The following FRMD1 variants were observed in gnomAD, a reference collection of about 807,000 sequenced individuals.
FRMD1 encodes the protein FERM domain-containing protein 1.
In FRMD1, 51 loss-of-function variants were observed where a neutral mutation model predicts 54.9. The observed-to-expected ratio is 0.93, with a 90% CI of 0.74 to 1.17. The LOEUF (loss-of-function observed/expected upper bound fraction) is 1.17, where lower values mean the gene tolerates loss of function less well. Ranked by LOEUF, FRMD1 falls within the 50% of genes most tolerant of loss-of-function variation. The probability of loss-of-function intolerance (pLI) is 0.00; values close to 1 mark genes in which losing one functional copy is unlikely to be tolerated. For synonymous variants in FRMD1, 324 were observed against 306.4 expected, an observed-to-expected ratio of 1.06 and a Z score of -0.60; for missense variants, 729 against 743.0, an observed-to-expected ratio of 0.98 and a Z score of 0.22.
At chr6:168,062,654 AC>A (rs998901784) in intron 7 of FRMD1, 10 of 1,548,594 alleles carry the variant, frequency 6.5e-6, no homozygotes, top group African/African-American at 4.1e-5. Context: ...GGGCACGGGG[AC>A]CCCCCAGACA....
At chr6:168,081,547 A>G, upstream of FRMD1, 1 of 1,504,398 alleles carries the variant, frequency 6.6e-7, no homozygotes, top group Non-Finnish European at 8.9e-7. Context: ...ATCCTCTATC[A>G]TGAGATAGAT....
chr6:168,079,125 G>A lies in FRMD1; in HGVS notation c.-31C>T. The A allele has an allele frequency of 6.4e-7, 1 of 1,562,532 alleles. No homozygotes were observed. Among genetic ancestry groups the A allele is most frequent in the Non-Finnish European group, 8.6e-7 (1 of 1,158,648 alleles). ...CGTTACTCGGCCCTCCCCCGCCATG[G>A]GTCGCAGGTGGGTGCTCAGCACCTC... On this transcript the variant is annotated 5_prime_UTR_variant, in exon 1 of 11. Coordinates refer to ENST00000283309, the MANE Select transcript of FRMD1 (RefSeq NM_024919.6).
chr6:168,087,804 T>A (rs1800946667), intron 1 of FRMD1, among the ~76,000 whole-genome samples: 1 of 152,190 alleles, frequency 6.6e-6, no homozygotes, highest in African/African-American at 2.4e-5. Context: ...TCTACCGCTG[T>A]TCCCAGGGTC....
At chr6:168,077,289 G>GA (rs1048450609) in intron 1 of FRMD1, among the ~76,000 whole-genome samples, 5 of 151,486 alleles carry the variant, frequency 3.3e-5, no homozygotes, top group Non-Finnish European at 7.4e-5. Context: ...GATGGGGGGG[G>GA]GTTCTTGTCT....
Position 168,062,027 on chromosome 6 carries a change from C to T in FRMD1, c.871-46G>A, listed in dbSNP as rs377521934. Reference sequence around the variant, plus strand: ...TTGCCACTCCACAGGTGGAAAACCACGCTAGCCACAGGAAAGGATGATTTT... The same window carrying T: ...TTGCCACTCCACAGGTGGAAAACCATGCTAGCCACAGGAAAGGATGATTTT... On this transcript the variant is annotated intron_variant, in intron 7 of 10. Transcript: ENST00000283309. 4.8e-5 allele frequency: 74 copies of T among 1,540,428 alleles called. No individual in the cohort carries two copies. The Middle Eastern group carries it at 9.2e-4, about 19-fold the overall frequency.
intron 1 of FRMD1, chr6:168,075,874 GGT>G: frequency 3.8e-6 from 4 of 1,066,294 alleles, no homozygotes; most frequent in East Asian, 3.6e-5. Context: ...TCCGGTGCCC[GGT>G]GTCCACATTT....
At position 168,059,115 on chromosome 6, in the gene FRMD1, G is replaced by A. The variant is rs1223332255; in HGVS notation, c.1407+9C>T. 10 of 1,565,048 alleles carry A rather than the reference G, an allele frequency of 6.4e-6. No individual in the cohort carries two copies. The highest frequency in any genetic ancestry group is 8.6e-6 in the Non-Finnish European group (10 of 1,159,392). ...GGCCAGGGCTTCTGGCCCGTGGGGG[G>A]GACTCTACCTGGTGCACGGCCTCGG... On this transcript the variant is annotated intron_variant, in intron 10 of 10. Coordinates refer to ENST00000283309, the MANE Select transcript of FRMD1 (RefSeq NM_024919.6). The surrounding 1 kb of genome is among the most constrained non-coding windows in gnomAD (Gnocchi z 4.4).
At chr6:168,063,047 C>T (rs533507283) in intron 6 of FRMD1, 88 bp from the exon 7 acceptor site, 34 of 1,121,218 alleles carry the variant, frequency 3.0e-5, no homozygotes, top group East Asian at 9.4e-5. Context: ...GGCTAGGGGC[C>T]GAGGGCTCCA....
chr6:168,058,678 C>T lies in FRMD1; in HGVS notation c.1407+446G>A, dbSNP rs577440304. On this transcript the variant is annotated intron_variant, in intron 10 of 10. Coordinates refer to ENST00000283309, the MANE Select transcript of FRMD1 (RefSeq NM_024919.6). ...TTCTCCTCTAGCTCCTCTGGGGGAT[C>T]CTAAGGCTCAGTAGCTCTACAGGAA... is the stretch of plus-strand genomic sequence containing the variant. 1.1e-4 allele frequency among the ~76,000 whole-genome samples: 17 copies of T among 152,298 alleles called. No individual in the cohort carries two copies. In the South Asian group the frequency reaches 3.3e-3, roughly 30 times the overall value.
intron 1 of FRMD1, among the ~76,000 whole-genome samples, chr6:168,089,226 C>T (rs1346220186): frequency 6.6e-6 from 1 of 152,240 alleles, no homozygotes; most frequent in Non-Finnish European, 1.5e-5. Flanking sequence ...TGCCTTTGCT[C>T]CCTCAGCTGT....
upstream of FRMD1, chr6:168,079,247 C>A: frequency 7.3e-7 from 1 of 1,365,092 alleles, no homozygotes; most frequent in Non-Finnish European, 9.6e-7. Context: ...CCAGCATGGC[C>A]AAGCCAGGAC....
rs139205968 is a variant in FRMD1, at chr6:168,064,914, T to C, written c.605A>G (p.His202Arg). 725 of 1,601,466 alleles carry C rather than the reference T, an allele frequency of 4.5e-4. 1 individual carries two copies. Among genetic ancestry groups the C allele is most frequent in the Middle Eastern group, 3.6e-3 (22 of 6,040 alleles). ...ADLGEHRESA[H>R]AGRYFEPHSY... Reference sequence around the variant, plus strand: ...GTGTGGCTCGAAGTACCTCCCGGCATGGGCCGACTCCCGGTGCTCGCCCAG... The same window carrying C: ...GTGTGGCTCGAAGTACCTCCCGGCACGGGCCGACTCCCGGTGCTCGCCCAG... The change falls in exon 5 of 11, where the codon CAT becomes CGT. Residue 202 changes from histidine to arginine, a missense_variant. His to Arg is a conservative substitution (Grantham distance 29). Coordinates refer to ENST00000283309, the MANE Select transcript of FRMD1 (RefSeq NM_024919.6).
rs1799697496 is a variant in FRMD1, at chr6:168,060,985, C to T, written c.1118G>A (p.Gly373Asp). The T allele has an allele frequency of 6.2e-7, 1 of 1,612,920 alleles. No individual in the cohort carries two copies. The highest frequency in any genetic ancestry group is 8.5e-7 in the Non-Finnish European group (1 of 1,179,952). The change falls in exon 9 of 11, where the codon GGC (glycine) becomes GAC (aspartate). Residue 373 changes from glycine (G) to aspartate (D), a missense_variant. Physicochemically the swap from Gly to Asp is moderately conservative, Grantham distance 94. Transcript: ENST00000283309. Reference protein sequence around the residue: ...ELDLASRSFPGSGVSSQHCPH... With the variant: ...ELDLASRSFPDSGVSSQHCPH... ...GCAGTGCTGGCTGCTGACCCCACTGCCCGGGAAGCTCCTGCTGGCCAGGTC... is the reference window on the plus strand; with the variant it reads ...GCAGTGCTGGCTGCTGACCCCACTGTCCGGGAAGCTCCTGCTGGCCAGGTC...
upstream of FRMD1, chr6:168,081,510 C>T: frequency 6.5e-7 from 1 of 1,530,164 alleles, no homozygotes; most frequent in Non-Finnish European, 8.7e-7. Flanking sequence ...CGGCCCAACT[C>T]TCTCTTCTTC....
chr6:168,073,958 C>A (rs1030966493), intron 2 of FRMD1, among the ~76,000 whole-genome samples: 3 of 152,092 alleles, frequency 2.0e-5, no homozygotes, highest in African/African-American at 7.2e-5. Context: ...CACCGCTGGT[C>A]AGCACTGAGC....
intron 2 of FRMD1, among the ~76,000 whole-genome samples, chr6:168,074,269 C>A (rs902391): frequency 0.77 from 117,146 of 152,022 alleles, 45,134 homozygotes; most frequent in Middle Eastern, 0.83. Context: ...ACTCCAGGTA[C>A]GAATTCACAT....
upstream of FRMD1, among the ~76,000 whole-genome samples, chr6:168,084,869 C>T (rs1315681144): frequency 6.6e-6 from 1 of 152,222 alleles, no homozygotes; most frequent in East Asian, 1.9e-4. Context: ...CAAGGCCTGC[C>T]CCAAATGAGG....
intron 5 of FRMD1, 25 bp from the exon 6 acceptor site, chr6:168,063,781 C>T (rs1338249188): frequency 6.3e-7 from 1 of 1,587,518 alleles, no homozygotes; most frequent in African/African-American, 1.4e-5. Context: ...GGGAGGTCAG[C>T]TCAGACCCCT....
In FRMD1 at chr6:168,059,102, T is replaced by C; in HGVS notation, c.1407+22A>G. 1.3e-6 allele frequency: 2 copies of C among 1,549,136 alleles called. No homozygotes were observed. Among genetic ancestry groups the C allele is most frequent in the Non-Finnish European group, 1.7e-6 (2 of 1,148,940 alleles). On this transcript the variant is annotated intron_variant, in intron 10 of 10. Transcript: ENST00000283309. The surrounding 1 kb of genome is among the most constrained non-coding windows in gnomAD (Gnocchi z 4.4). ...GGTGGAGGAGCAGGGCCAGGGCTTC[T>C]GGCCCGTGGGGGGGACTCTACCTGG...
Sources: allele counts gnomAD v4.1 joint callset (sites outside exome capture counted in the v4.1 genomes callset), GRCh38; gene constraint gnomAD v4.1.1; non-coding constraint Gnocchi (gnomAD v3.1); transcripts MANE v1.5; gene names NCBI Gene and HGNC (gene_info 2026-07-23, HGNC 2026-07-21).